The following CCSER1 variants were observed in gnomAD, a reference collection of about 807,000 sequenced individuals.
CCSER1 encodes the protein coiled-coil serine rich protein 1.
CCSER1 carries 41 observed loss-of-function variants against 82.0 expected under a neutral mutation model. The observed-to-expected ratio is 0.50, with a 90% CI of 0.39 to 0.65. CCSER1 has a LOEUF of 0.65. Among genes scored for constraint, CCSER1 ranks in the 30% least tolerant of loss-of-function variants. The pLI, the probability that CCSER1 is intolerant of heterozygous loss-of-function variation, is 0.00. For synonymous variants in CCSER1, 414 were observed against 383.9 expected (o/e 1.08, Z -0.92); for missense variants, 1,119 against 1,064.2 (o/e 1.05, Z -0.72).
chr4:91,212,669 A>T (rs1013354101), intron 10 of CCSER1, among the ~76,000 whole-genome samples: 14 of 152,124 alleles, frequency 9.2e-5, no homozygotes, highest in Admixed American at 6.6e-4. Flanking sequence ...ATGTTACATG[A>T]GCTTTTAAAT....
chr4:90,141,052 C>CTATA (rs1416209996), intron 1 of CCSER1, among the ~76,000 whole-genome samples: 2 of 151,814 alleles, frequency 1.3e-5, no homozygotes, highest in Non-Finnish European at 2.9e-5. Context: ...ATCTATCTAT[C>CTATA]TATCTATCTA....
At chr4:90,629,967 T>C (rs2148924439) in intron 6 of CCSER1, among the ~76,000 whole-genome samples, 1 of 151,404 alleles carries the variant, frequency 6.6e-6, no homozygotes, top group Middle Eastern at 3.4e-3. Flanking sequence ...ATTCTGACTG[T>C]ACAGATTTCC....
chr4:90,674,665 G>T (rs908281635), intron 6 of CCSER1, among the ~76,000 whole-genome samples: 1 of 151,844 alleles, frequency 6.6e-6, no homozygotes, highest in African/African-American at 2.4e-5. Context: ...TCCACAGATA[G>T]TCTCTAGGTT....
At chr4:91,276,269 G>A (rs1742429245) in intron 10 of CCSER1, among the ~76,000 whole-genome samples, 1 of 134,582 alleles carries the variant, frequency 7.4e-6, no homozygotes, top group East Asian at 2.1e-4. Context: ...CATTAATGAT[G>A]TTAATTCTGC....
chr4:90,337,670 CA>C (rs1740665286), intron 3 of CCSER1, among the ~76,000 whole-genome samples: 1 of 150,636 alleles, frequency 6.6e-6, no homozygotes. Context: ...TACTGAGGAT[CA>C]AAAAGAATGT....
chr4:90,715,818 A>G lies in CCSER1; in HGVS notation c.1933-8096A>G, dbSNP rs139424344. On this transcript the variant is annotated intron_variant, in intron 6 of 10. Transcript: ENST00000509176. ...TAATATTATTCAAAATTACATTTGA[A>G]TGTATCTTTCAGCCCAGTAATTTCA... 1.3e-3 allele frequency among the ~76,000 whole-genome samples: 192 copies of G among 152,152 alleles called. 3 individuals carry two copies. In the East Asian group the frequency reaches 0.024, roughly 19 times the overall value.
At chr4:90,880,073 G>T (rs1265586423) in intron 8 of CCSER1, among the ~76,000 whole-genome samples, 3 of 152,138 alleles carry the variant, frequency 2.0e-5, no homozygotes, top group African/African-American at 7.2e-5. Flanking sequence ...GTAGACTCTT[G>T]TCCAGCTATG....
At chr4:90,229,582 C>A (rs1470014331) in intron 1 of CCSER1, among the ~76,000 whole-genome samples, 1 of 151,478 alleles carries the variant, frequency 6.6e-6, no homozygotes, top group Admixed American at 6.6e-5. Flanking sequence ...AAATAACCAG[C>A]TAACATCATA....
chr4:90,420,819 C>T (rs1247350614), intron 4 of CCSER1, among the ~76,000 whole-genome samples: 2 of 152,014 alleles, frequency 1.3e-5, no homozygotes, highest in African/African-American at 4.8e-5. Flanking sequence ...GTCAATGGCC[C>T]AAGTTCATTA....
chr4:91,195,559 AT>A lies in CCSER1; in HGVS notation c.2217+109566del, dbSNP rs1460901937. 4.0e-4 allele frequency among the ~76,000 whole-genome samples: 61 copies of A among 152,170 alleles called. 1 individual carries two copies. The highest frequency in any genetic ancestry group is 1.4e-3 in the African/African-American group (59 of 41,436). ...TTAACTGATGGAAGGAATTGGTTTC[AT>A]GAGACGCTGTATTCTGAAATCAGAA... On this transcript the variant is annotated intron_variant, in intron 10 of 10. Transcript: ENST00000509176.
rs1373420181 is a variant in CCSER1 at position 90,223,432 on chromosome 4, T to C, written c.-41-84812T>C. Among the ~76,000 whole-genome samples, 13 of 152,208 alleles carry C rather than the reference T, an allele frequency of 8.5e-5. 1 individual carries two copies. Among genetic ancestry groups the C allele is most frequent in the Admixed American group, 8.5e-4 (13 of 15,270 alleles). On this transcript the variant is annotated intron_variant, in intron 1 of 10. Transcript: ENST00000509176. ...TGGAGGGACCAGAGACCCAATTGCATGGTACAAAATACTACAGGCTATGAA... is the reference window on the plus strand; with the variant it reads ...TGGAGGGACCAGAGACCCAATTGCACGGTACAAAATACTACAGGCTATGAA...
At chr4:91,543,956 G>A (rs1460783048) in intron 10 of CCSER1, among the ~76,000 whole-genome samples, 1 of 152,048 alleles carries the variant, frequency 6.6e-6, no homozygotes, top group Non-Finnish European at 1.5e-5. Context: ...CCTAGATTTG[G>A]TCTTTTCACA....
chr4:91,463,834 C>A (rs1194616501), intron 10 of CCSER1, among the ~76,000 whole-genome samples: 1 of 152,136 alleles, frequency 6.6e-6, no homozygotes, highest in East Asian at 1.9e-4. Context: ...AACAAAGCCT[C>A]CAAGAAATAT....
At chr4:91,437,510 C>T (rs1185143335) in intron 10 of CCSER1, among the ~76,000 whole-genome samples, 3 of 152,296 alleles carry the variant, frequency 2.0e-5, no homozygotes, top group South Asian at 2.1e-4. Context: ...CCAAGATGGC[C>T]GAATAGGAAC....
intron 10 of CCSER1, among the ~76,000 whole-genome samples, chr4:91,369,307 G>A (rs1210109445): frequency 6.6e-6 from 1 of 152,160 alleles, no homozygotes; most frequent in East Asian, 1.9e-4. Context: ...CAGAGATCCA[G>A]CAGATGACTT....
At chr4:91,429,635 G>A (rs762047225) in intron 10 of CCSER1, among the ~76,000 whole-genome samples, 2 of 151,752 alleles carry the variant, frequency 1.3e-5, no homozygotes, top group Non-Finnish European at 3.0e-5. Flanking sequence ...CTAGGTTTTT[G>A]TTGATTTTTG....
chr4:90,195,483 A>G (rs769771884), intron 1 of CCSER1, among the ~76,000 whole-genome samples: 4 of 152,038 alleles, frequency 2.6e-5, no homozygotes, highest in Non-Finnish European at 5.9e-5. Context: ...AGTACAGAGT[A>G]TTTTTAGGGC....
intron 10 of CCSER1, among the ~76,000 whole-genome samples, chr4:91,192,292 G>C (rs1173678036): frequency 6.6e-6 from 1 of 151,898 alleles, no homozygotes; most frequent in Non-Finnish European, 1.5e-5. Context: ...TATTCCTTAA[G>C]AAAATTCCCC....
At chr4:90,551,706 C>CTCTCTCTCTATA in intron 5 of CCSER1, among the ~76,000 whole-genome samples, 1,106 of 104,166 alleles carry the variant, frequency 0.011, 13 homozygotes, top group Middle Eastern at 0.026. Context: ...CTCTCTCTCT[C>CTCTCTCTCTATA]TATATATATA....
Sources: allele counts gnomAD v4.1 joint callset (sites outside exome capture counted in the v4.1 genomes callset), GRCh38; gene constraint gnomAD v4.1.1; transcripts MANE v1.5; gene names NCBI Gene and HGNC (gene_info 2026-07-23, HGNC 2026-07-21).